The following NFATC2 variants were observed in gnomAD, a reference collection of about 807,000 sequenced individuals.
NFATC2 encodes the protein nuclear factor of activated T cells 2.
In NFATC2, 22 loss-of-function variants were observed where a neutral mutation model predicts 87.3. The ratio of observed to expected loss-of-function variants is 0.25; its 90% confidence interval spans 0.18 to 0.36. The LOEUF is 0.36. Among genes scored for constraint, NFATC2 ranks in the 10% least tolerant of loss-of-function variants. The probability of loss-of-function intolerance (pLI) is 1.00; values close to 1 mark genes in which losing one functional copy is unlikely to be tolerated. For missense variants in NFATC2, 1,149 were observed against 1,259.1 expected (o/e 0.91, Z 1.32); for synonymous variants, 565 against 542.2 (o/e 1.04, Z -0.58).
At chr20:51,482,522 T>G (rs777690700) in intron 3 of NFATC2, among the ~76,000 whole-genome samples, 11 of 152,340 alleles carry the variant, frequency 7.2e-5, no homozygotes, top group Non-Finnish European at 1.6e-4. Flanking sequence ...TATTATTCAT[T>G]TTATTTTTCC....
Position 51,562,050 on chromosome 20 carries a change from T to C in NFATC2, c.70+510A>G, listed in dbSNP as rs1176724930. ...GGCACATCAAAAAGGGGGAAGAAAATAGTTTAAATGTCCCAGAGCATCCGC... is the reference window on the plus strand; with the variant it reads ...GGCACATCAAAAAGGGGGAAGAAAACAGTTTAAATGTCCCAGAGCATCCGC... On this transcript the variant is annotated intron_variant, in intron 1 of 10. Coordinates refer to the NFATC2 transcript ENST00000414705. This position sits in a 1 kb window ranked among gnomAD's most constrained non-coding sequence, Gnocchi z 5.8. Among the ~76,000 whole-genome samples the C allele has an allele frequency of 9.9e-5, 15 of 152,006 alleles. 1 individual carries two copies. The South Asian group carries it at 3.1e-3, about 32-fold the overall frequency.
At chr20:51,551,259 A>G (rs1034400495) in intron 1 of NFATC2, among the ~76,000 whole-genome samples, 2 of 152,204 alleles carry the variant, frequency 1.3e-5, no homozygotes, top group African/African-American at 2.4e-5. Flanking sequence ...TAAAACATCA[A>G]AATGAATGCA....
Position 51,464,397 on chromosome 20 carries a change from T to A in NFATC2, c.1708+9583A>T, listed in dbSNP as rs6021222. On this transcript the variant is annotated intron_variant, in intron 5 of 10. Coordinates refer to ENST00000371564, the MANE Select transcript of NFATC2 (RefSeq NM_012340.5). ...AGCGAGGCACAGAGTGTTTAAGTAA[T>A]CTCCCCAGGACTAAGCAGCCAGTAA... 1.2e-3 allele frequency among the ~76,000 whole-genome samples: 179 copies of A among 152,214 alleles called. 2 individuals carry two copies. Among genetic ancestry groups the A allele is most frequent in the African/African-American group, 4.2e-3 (176 of 41,512 alleles).
chr20:51,448,096 C>G (rs528899430), intron 6 of NFATC2, among the ~76,000 whole-genome samples: 10 of 152,164 alleles, frequency 6.6e-5, no homozygotes, highest in Admixed American at 6.5e-4. Context: ...CAGCAGCAAA[C>G]GCTGAGACTC....
At chr20:51,554,198 C>T (rs776021883) in intron 1 of NFATC2, among the ~76,000 whole-genome samples, 11 of 152,226 alleles carry the variant, frequency 7.2e-5, no homozygotes, top group Non-Finnish European at 1.0e-4. Context: ...TCTCCATCAA[C>T]ACAATCACTA....
chr20:51,411,259 T>C (rs1054080148), intron 9 of NFATC2, among the ~76,000 whole-genome samples: 19 of 152,174 alleles, frequency 1.2e-4, no homozygotes, highest in South Asian at 6.2e-4. Flanking sequence ...GGGCCTACCC[T>C]GGATTCCTGC....
At chr20:51,398,535 G>C (rs1987570123) in intron 10 of NFATC2, 108 bp downstream of exon 10, 1 of 662,398 alleles carries the variant, frequency 1.5e-6, no homozygotes, top group Non-Finnish European at 2.5e-6. Flanking sequence ...GAGAAGAGAG[G>C]GCCTTCAGCC....
At chr20:51,403,248 T>C (rs141530222) in intron 9 of NFATC2, among the ~76,000 whole-genome samples, 1 of 152,252 alleles carries the variant, frequency 6.6e-6, no homozygotes, top group African/African-American at 2.4e-5. Flanking sequence ...GCCACTAGGC[T>C]TCCTGCAAAG....
chr20:51,443,896 G>A (rs577057783), intron 6 of NFATC2, among the ~76,000 whole-genome samples: 9 of 151,634 alleles, frequency 5.9e-5, no homozygotes, highest in African/African-American at 1.9e-4. Flanking sequence ...TAGGTCTAGA[G>A]AAGACTTAGC....
upstream of NFATC2, among the ~76,000 whole-genome samples, chr20:51,544,340 GAGA>G (rs1202222425): frequency 6.6e-6 from 1 of 152,124 alleles, no homozygotes; most frequent in East Asian, 1.9e-4. Flanking sequence ...TGTTGAGGAT[GAGA>G]AGATTAGACG....
chr20:51,435,200 T>G lies in NFATC2; in HGVS notation c.2020A>C (p.Thr674Pro). 1 of 1,614,128 alleles carries G rather than the reference T, an allele frequency of 6.2e-7. No homozygotes were observed. The highest frequency in any genetic ancestry group is 8.5e-7 in the Non-Finnish European group (1 of 1,180,006). Reference sequence around the variant, plus strand: ...AAACACTCCTTACCTGGGTGGTAGGTAAAGTGCTGAGGCTGACTTCGTTTT... The same window carrying G: ...AAACACTCCTTACCTGGGTGGTAGGGAAAGTGCTGAGGCTGACTTCGTTTT... ...KRKRSQPQHF[T>P]YHPVPAIKTE... Residue 674 changes from threonine (T) to proline (P), a missense_variant, in exon 8 of 11, where the codon ACC becomes CCC. By Grantham distance (38) the Thr-to-Pro change is conservative (BLOSUM62 -1). Transcript: ENST00000371564.
chr20:51,433,222 C>G (rs1983039834), intron 8 of NFATC2, among the ~76,000 whole-genome samples: 2 of 152,166 alleles, frequency 1.3e-5, no homozygotes, highest in African/African-American at 4.8e-5. Flanking sequence ...GTCAGCTCCT[C>G]AAAGAGAGGA....
chr20:51,517,788 A>C (rs1340488857), intron 2 of NFATC2, among the ~76,000 whole-genome samples: 1 of 151,906 alleles, frequency 6.6e-6, no homozygotes, highest in Non-Finnish European at 1.5e-5. Context: ...TTGGTGGTGC[A>C]TGCCTGTAAT....
chr20:51,557,023 G>A (rs1033348640), intron 1 of NFATC2, among the ~76,000 whole-genome samples: 8 of 152,188 alleles, frequency 5.3e-5, no homozygotes, highest in African/African-American at 1.9e-4. Flanking sequence ...CATCTTGGCT[G>A]AATAGTCCTG....
chr20:51,548,447 G>A (rs1300859133), intron 1 of NFATC2, among the ~76,000 whole-genome samples: 1 of 152,158 alleles, frequency 6.6e-6, no homozygotes, highest in African/African-American at 2.4e-5. Flanking sequence ...CACAAGGGCA[G>A]GGATATTTGT....
intron 1 of NFATC2, among the ~76,000 whole-genome samples, chr20:51,551,076 T>C (rs1454201026): frequency 1.3e-5 from 2 of 152,220 alleles, no homozygotes; most frequent in Non-Finnish European, 2.9e-5. Context: ...ACCATCTCCC[T>C]TCAACGGAAG....
In NFATC2 at chr20:51,542,538, G is replaced by T; in HGVS notation, c.-39C>A. 7.4e-7 allele frequency: 1 copy of T among 1,349,422 alleles called. No homozygotes were observed. The highest frequency in any genetic ancestry group is 9.5e-7 in the Non-Finnish European group (1 of 1,052,322). The allele number at this position is 1,349,422 out of a possible 1,614,324, so 83.6% of individuals were successfully genotyped here. ...GGAAGGCTGCGGGGCCGGGGGCGAGGGCGGGCGCGGCTGGCTCTGGGACCC... is the reference window on the plus strand; with the variant it reads ...GGAAGGCTGCGGGGCCGGGGGCGAGTGCGGGCGCGGCTGGCTCTGGGACCC... On this transcript the variant is annotated 5_prime_UTR_variant, in exon 1 of 11. Coordinates refer to ENST00000371564, the MANE Select transcript of NFATC2 (RefSeq NM_012340.5).
intron 9 of NFATC2, among the ~76,000 whole-genome samples, chr20:51,420,770 G>T (rs952910101): frequency 6.6e-6 from 1 of 152,118 alleles, no homozygotes; most frequent in African/African-American, 2.4e-5. Context: ...TTAAACACTA[G>T]GTATTTCATG....
chr20:51,396,759 C>G (rs1000327509), intron 10 of NFATC2, among the ~76,000 whole-genome samples: 2 of 152,170 alleles, frequency 1.3e-5, no homozygotes, highest in Admixed American at 1.3e-4. Context: ...TTCACTCCCA[C>G]GACCCCTCCA....
Sources: allele counts gnomAD v4.1 joint callset (sites outside exome capture counted in the v4.1 genomes callset), GRCh38; gene constraint gnomAD v4.1.1; non-coding constraint Gnocchi (gnomAD v3.1); transcripts MANE v1.5; gene names NCBI Gene and HGNC (gene_info 2026-07-23, HGNC 2026-07-21).